EGLN1: variants seen among roughly 807,000 people sequenced by gnomAD.
EGLN1 encodes the protein egl-9 family hypoxia inducible factor 1.
In EGLN1, 17 loss-of-function variants were observed where a neutral mutation model predicts 38.3. That is an observed-to-expected ratio of 0.44 (90% confidence interval 0.30 to 0.67). The LOEUF (loss-of-function observed/expected upper bound fraction) is 0.67. Among genes scored for constraint, EGLN1 ranks in the 30% least tolerant of loss-of-function variants. The pLI is 0.08. For synonymous variants in EGLN1, 283 were observed against 257.5 expected (o/e 1.10, Z -0.95); for missense variants, 477 against 603.3 (o/e 0.79, Z 2.19).
intron 2 of EGLN1, among the ~76,000 whole-genome samples, chr1:231,372,004 C>T (rs376634321): frequency 2.6e-5 from 4 of 152,198 alleles, no homozygotes; most frequent in African/African-American, 9.6e-5. Context: ...ACTATGCAAA[C>T]ATCTAAAGAA....
chr1:231,367,806 T>C (rs1687693332), intron 3 of EGLN1, among the ~76,000 whole-genome samples, 170 bp from the exon 4 acceptor site: 1 of 152,176 alleles, frequency 6.6e-6, no homozygotes, highest in African/African-American at 2.4e-5. Flanking sequence ...GAGACTAAAA[T>C]TGATGTCTGA....
chr1:231,420,577 G>C (rs1656546753), intron 1 of EGLN1, among the ~76,000 whole-genome samples: 2 of 152,162 alleles, frequency 1.3e-5, no homozygotes, highest in South Asian at 4.1e-4. Flanking sequence ...AGACACCATA[G>C]GAAATTTAAC....
chr1:231,386,521 TTTG>T (rs1688212402), intron 1 of EGLN1, among the ~76,000 whole-genome samples: 1 of 151,560 alleles, frequency 6.6e-6, no homozygotes, highest in East Asian at 1.9e-4. Flanking sequence ...TTTAATGTTA[TTTG>T]TTTTTTCACA....
At chr1:231,412,808 A>C (rs925482161) in intron 1 of EGLN1, among the ~76,000 whole-genome samples, 1 of 152,224 alleles carries the variant, frequency 6.6e-6, no homozygotes, top group Non-Finnish European at 1.5e-5. Context: ...ACACTGAAAA[A>C]GTGGGGGCAA....
At chr1:231,373,686 GTGTGTGTGTGTGTGTGTA>G (rs376307754) in intron 2 of EGLN1, among the ~76,000 whole-genome samples, 10 of 138,380 alleles carry the variant, frequency 7.2e-5, no homozygotes, top group South Asian at 4.3e-4. Flanking sequence ...GCGTGTGTGT[GTGTGTGTGTGTGTGTGTA>G]TGTGTGTGTG....
chr1:231,410,874 T>C (rs1688923620), intron 1 of EGLN1, among the ~76,000 whole-genome samples: 1 of 149,918 alleles, frequency 6.7e-6, no homozygotes, highest in East Asian at 2.0e-4. Context: ...GGGGAATCAC[T>C]AAATTTTTTA....
At chr1:231,406,288 G>A (rs1314421995) in intron 1 of EGLN1, among the ~76,000 whole-genome samples, 6 of 152,004 alleles carry the variant, frequency 3.9e-5, no homozygotes, top group African/African-American at 1.2e-4. Flanking sequence ...AAAAGGACAA[G>A]AGGAAAAAGA....
intron 1 of EGLN1, among the ~76,000 whole-genome samples, chr1:231,418,780 T>C (rs1220718645): frequency 6.6e-6 from 1 of 151,532 alleles, no homozygotes; most frequent in Non-Finnish European, 1.5e-5. Flanking sequence ...CAGGATAGCT[T>C]GAGTCCAGGA....
chr1:231,387,086 TG>T lies in EGLN1; in HGVS notation c.892-12988del, dbSNP rs574274029. On this transcript the variant is annotated intron_variant, in intron 1 of 4. Transcript: ENST00000366641. ...GTTGCCCAGGGTGGTCTCAAACTCC[TG>T]GCCTCACGCAATCCTCCTGCCTCAG... Among the ~76,000 whole-genome samples, 13 of 151,870 alleles carry T rather than the reference TG, an allele frequency of 8.6e-5. No homozygotes were observed. In the South Asian group the frequency reaches 2.3e-3, roughly 27 times the overall value.
At chr1:231,380,315 C>CAAAAAAAA (rs35280417) in intron 1 of EGLN1, among the ~76,000 whole-genome samples, 2 of 101,798 alleles carry the variant, frequency 2.0e-5, no homozygotes, top group Admixed American at 1.1e-4. Context: ...GACTCCGTCT[C>CAAAAAAAA]AAAAAAAAAA....
chr1:231,373,588 G>A (rs897140693), intron 2 of EGLN1, among the ~76,000 whole-genome samples: 1 of 151,818 alleles, frequency 6.6e-6, no homozygotes, highest in East Asian at 1.9e-4. Flanking sequence ...GGATATATAC[G>A]CACACCCTCA....
intron 1 of EGLN1, among the ~76,000 whole-genome samples, chr1:231,407,486 G>GT (rs1688828314): frequency 6.6e-6 from 1 of 152,058 alleles, no homozygotes; most frequent in Admixed American, 6.6e-5. Flanking sequence ...CATCAACGTG[G>GT]TATCAATGTT....
chr1:231,382,563 A>G (rs1001905950), intron 1 of EGLN1, among the ~76,000 whole-genome samples: 1 of 152,250 alleles, frequency 6.6e-6, no homozygotes, highest in African/African-American at 2.4e-5. Flanking sequence ...CACACTGTAT[A>G]GGGACCACTG....
At chr1:231,399,547 A>G (rs1688612861) in intron 1 of EGLN1, among the ~76,000 whole-genome samples, 1 of 152,238 alleles carries the variant, frequency 6.6e-6, no homozygotes, top group African/African-American at 2.4e-5. Context: ...GTACAGTATC[A>G]TGTAAGCCAA....
At chr1:231,376,747 A>T (rs1156475387) in intron 1 of EGLN1, among the ~76,000 whole-genome samples, 1 of 152,236 alleles carries the variant, frequency 6.6e-6, no homozygotes, top group Non-Finnish European at 1.5e-5. Context: ...TTAGGTATAT[A>T]GAGAAAGATG....
chr1:231,370,518 T>TCCTA (rs1464427438), intron 3 of EGLN1, 44 bp downstream of exon 3: 3 of 1,606,932 alleles, frequency 1.9e-6, no homozygotes, highest in Non-Finnish European at 1.7e-6. Flanking sequence ...TTCCCTCCTG[T>TCCTA]CCTACCATAC....
At chr1:231,392,749 C>T (rs987695991) in intron 1 of EGLN1, among the ~76,000 whole-genome samples, 2 of 152,214 alleles carry the variant, frequency 1.3e-5, no homozygotes, top group African/African-American at 2.4e-5. Flanking sequence ...TTCATCATTA[C>T]TGACAGTCTC....
intron 1 of EGLN1, among the ~76,000 whole-genome samples, chr1:231,409,238 T>C (rs1425219492): frequency 7.4e-6 from 1 of 135,332 alleles, no homozygotes; most frequent in Non-Finnish European, 1.6e-5. Flanking sequence ...TAGCCTAATT[T>C]CTTAAAAAAA....
intron 1 of EGLN1, among the ~76,000 whole-genome samples, chr1:231,411,496 A>T (rs902621057): frequency 4.6e-5 from 7 of 152,200 alleles, no homozygotes; most frequent in Admixed American, 1.3e-4. Flanking sequence ...CTTAGATTTG[A>T]CATTTCCTAT....
Sources: allele counts gnomAD v4.1 joint callset (sites outside exome capture counted in the v4.1 genomes callset), GRCh38; gene constraint gnomAD v4.1.1; transcripts MANE v1.5; gene names NCBI Gene and HGNC (gene_info 2026-07-23, HGNC 2026-07-21).